Variants in CSMD1 observed in about 807,000 individuals in gnomAD.
CSMD1 encodes the protein CUB and sushi domain-containing protein 1.
CSMD1 carries 213 observed loss-of-function variants against 417.5 expected under a neutral mutation model. The ratio of observed to expected loss-of-function variants is 0.51; its 90% confidence interval spans 0.46 to 0.57. The LOEUF is 0.57. Among genes scored for constraint, CSMD1 ranks in the 20% least tolerant of loss-of-function variants. The pLI, the probability that CSMD1 is intolerant of heterozygous loss-of-function variation, is 0.00. For synonymous variants in CSMD1, 2,862 were observed against 1,736.8 expected (o/e 1.65, Z -16.11); for missense variants, 6,923 against 4,529.7 (o/e 1.53, Z -15.17).
intron 5 of CSMD1, among the ~76,000 whole-genome samples, chr8:3,862,123 T>C (rs1168682023): frequency 2.6e-5 from 4 of 152,206 alleles, no homozygotes; most frequent in African/African-American, 9.6e-5. Context: ...AACTTTTTAA[T>C]CTGCCCTGCT....
At chr8:3,461,553 A>G (rs998754489) in intron 12 of CSMD1, among the ~76,000 whole-genome samples, 1 of 152,200 alleles carries the variant, frequency 6.6e-6, no homozygotes, top group Non-Finnish European at 1.5e-5. Context: ...GTGGTTGTAG[A>G]GAACCTGCTT....
intron 2 of CSMD1, among the ~76,000 whole-genome samples, chr8:4,484,903 G>A (rs1801288992): frequency 1.3e-5 from 2 of 148,824 alleles, no homozygotes; most frequent in South Asian, 4.3e-4. Flanking sequence ...AACCCGGGAG[G>A]CAGAGGTTGC....
intron 8 of CSMD1, among the ~76,000 whole-genome samples, chr8:3,600,205 T>A (rs941375292): frequency 1.3e-5 from 2 of 152,206 alleles, no homozygotes; most frequent in Non-Finnish European, 2.9e-5. Flanking sequence ...TTTCCAGGTA[T>A]CTGTCTGTCT....
intron 2 of CSMD1, among the ~76,000 whole-genome samples, chr8:4,544,350 T>C (rs1272208677): frequency 6.6e-6 from 1 of 152,132 alleles, no homozygotes; most frequent in African/African-American, 2.4e-5. Context: ...AGATGTCCAG[T>C]TGTTATTGAA....
chr8:3,447,807 G>A (rs1815395736), intron 12 of CSMD1, among the ~76,000 whole-genome samples: 1 of 152,154 alleles, frequency 6.6e-6, no homozygotes, highest in African/African-American at 2.4e-5. Context: ...AATTGAGCAG[G>A]ACCACTTGGG....
At chr8:4,075,978 T>C (rs7816539) in intron 3 of CSMD1, among the ~76,000 whole-genome samples, 16,620 of 152,180 alleles carry the variant, frequency 0.11, 1,008 homozygotes, top group Middle Eastern at 0.16. Flanking sequence ...AAACATAGAA[T>C]TGTTTCTTTC....
At chr8:4,199,521 A>T (rs754944467) in intron 3 of CSMD1, among the ~76,000 whole-genome samples, 1 of 152,206 alleles carries the variant, frequency 6.6e-6, no homozygotes, top group African/African-American at 2.4e-5. Context: ...TCATTTAAAT[A>T]TAAGCGATCA....
At chr8:3,804,808 A>G (rs1002690538) in intron 5 of CSMD1, among the ~76,000 whole-genome samples, 23 of 152,246 alleles carry the variant, frequency 1.5e-4, no homozygotes, top group Admixed American at 9.8e-4. Flanking sequence ...AATTATTCAT[A>G]TCTAATAATT....
In CSMD1 at chr8:3,490,164, G is replaced by T. The variant is rs118012161; in HGVS notation, c.1448+3459C>A. ...GGTACACTAAGGACATATATCAGTG[G>T]CTTTTCTTTCCTCTTCTGCAGCTGA... On this transcript the variant is annotated intron_variant, in intron 11 of 69. Coordinates refer to ENST00000635120, the MANE Select transcript of CSMD1 (RefSeq NM_033225.6). 1.3e-3 allele frequency among the ~76,000 whole-genome samples: 200 copies of T among 152,294 alleles called. 2 individuals are homozygous for T. The highest frequency in any genetic ancestry group is 7.9e-3 in the South Asian group (38 of 4,826).
chr8:4,150,101 G>C (rs768932247), intron 3 of CSMD1, among the ~76,000 whole-genome samples: 3 of 152,184 alleles, frequency 2.0e-5, no homozygotes, highest in Non-Finnish European at 4.4e-5. Context: ...TGTTTTTTAA[G>C]GGAGTGTATT....
chr8:4,951,022 C>T (rs765682787), intron 1 of CSMD1, among the ~76,000 whole-genome samples: 1 of 151,752 alleles, frequency 6.6e-6, no homozygotes, highest in Non-Finnish European at 1.5e-5. Flanking sequence ...GAGAAGGGAC[C>T]TATACATAAT....
At chr8:4,820,665 C>G (rs984986858) in intron 1 of CSMD1, among the ~76,000 whole-genome samples, 1 of 152,094 alleles carries the variant, frequency 6.6e-6, no homozygotes, top group African/African-American at 2.4e-5. Flanking sequence ...CTGTGCTTTG[C>G]CATCATTCAA....
At chr8:3,434,889 C>T (rs1020019834) in intron 12 of CSMD1, among the ~76,000 whole-genome samples, 4 of 152,184 alleles carry the variant, frequency 2.6e-5, no homozygotes, top group East Asian at 3.9e-4. Context: ...CAGGAAATAT[C>T]GGGAATACTT....
chr8:3,817,558 C>T (rs1004377217), intron 5 of CSMD1, among the ~76,000 whole-genome samples: 1 of 152,028 alleles, frequency 6.6e-6, no homozygotes, highest in African/African-American at 2.4e-5. Flanking sequence ...GGATTGCAGG[C>T]ATGAGCCACT....
chr8:4,254,210 C>A (rs998824328), intron 3 of CSMD1, among the ~76,000 whole-genome samples: 4 of 152,134 alleles, frequency 2.6e-5, no homozygotes, highest in Non-Finnish European at 5.9e-5. Context: ...AGCCACCACG[C>A]CAAGCCTTTC....
At chr8:3,687,096 T>A (rs7816248) in intron 7 of CSMD1, among the ~76,000 whole-genome samples, 1 of 152,086 alleles carries the variant, frequency 6.6e-6, no homozygotes, top group African/African-American at 2.4e-5. Flanking sequence ...GTATGTCCAA[T>A]AAAATGCAGG....
chr8:4,074,051 T>C (rs1384019469), intron 3 of CSMD1, among the ~76,000 whole-genome samples: 1 of 152,114 alleles, frequency 6.6e-6, no homozygotes, highest in Non-Finnish European at 1.5e-5. Context: ...ACATTTAGTT[T>C]TGTTATAATA....
chr8:3,218,709 T>C (rs573159244), intron 29 of CSMD1, among the ~76,000 whole-genome samples: 86 of 151,424 alleles, frequency 5.7e-4, no homozygotes, highest in African/African-American at 1.9e-3. Flanking sequence ...CAGTCTCTAC[T>C]AAAAATACAA....
chr8:3,772,345 A>ACATATATTTAGACATACATATG lies in CSMD1; in HGVS notation c.819-18304_819-18303insCATATGTATGTCTAAATATATG, dbSNP rs1563063990. ...TGTACATATATTTAGACATACATAT[A>ACATATATTTAGACATACATATG]TACATATATTTATATATACATATAT... On this transcript the variant is annotated intron_variant, in intron 5 of 69. Transcript: ENST00000635120. 4.7e-3 allele frequency among the ~76,000 whole-genome samples: 330 copies of ACATATATTTAGACATACATATG among 70,616 alleles called. 74 individuals are homozygous for ACATATATTTAGACATACATATG. The highest frequency in any genetic ancestry group is 0.018 in the Middle Eastern group (2 of 112). The allele number at this position is 70,616 out of a possible 152,430, so 46.3% of individuals were successfully genotyped here. A position where few individuals can be genotyped will look rare whatever the true frequency, so the allele number is the denominator to read the frequency against.
Sources: allele counts gnomAD v4.1 joint callset (sites outside exome capture counted in the v4.1 genomes callset), GRCh38; gene constraint gnomAD v4.1.1; transcripts MANE v1.5; gene names NCBI Gene and HGNC (gene_info 2026-07-23, HGNC 2026-07-21).